Variants in KAZN observed in about 807,000 individuals in gnomAD.
KAZN encodes the protein kazrin.
In KAZN, 40 loss-of-function variants were observed where a neutral mutation model predicts 87.4. That is an observed-to-expected ratio of 0.46 (90% CI 0.36 to 0.60). The LOEUF is 0.60. Ranked by LOEUF, KAZN falls within the 20% of genes least tolerant of loss-of-function variation. The pLI, the probability that KAZN is intolerant of heterozygous loss-of-function variation, is 0.00. For synonymous variants in KAZN, 466 were observed against 458.3 expected (o/e 1.02, Z -0.22); for missense variants, 898 against 1,073.9 (o/e 0.84, Z 2.29).
intron 1 of KAZN, among the ~76,000 whole-genome samples, chr1:14,629,725 G>T (rs950372955): frequency 6.6e-6 from 1 of 152,144 alleles, no homozygotes; most frequent in African/African-American, 2.4e-5. Context: ...CAGTTGGGTC[G>T]CATGCCCACC....
chr1:15,103,566 C>T (rs1035967303), intron 12 of KAZN, 106 bp downstream of exon 12: 6 of 780,594 alleles, frequency 7.7e-6, no homozygotes, highest in Middle Eastern at 2.2e-4. Context: ...ATATGCAGAT[C>T]TCATGCAAAT....
rs1351417567 is a variant in KAZN, at chr1:15,021,284, A to G, written c.419-13465A>G. The stretch of plus-strand genomic sequence containing the variant: ...CACACACCCACACAAGCCTTTAAAA[A>G]TAGTCCTCGTTGTGTGGGGCATGGG... On this transcript the variant is annotated intron_variant, in intron 2 of 14. Coordinates refer to ENST00000376030, the MANE Select transcript of KAZN (RefSeq NM_201628.3). This position sits in a 1 kb window ranked among gnomAD's most constrained non-coding sequence, Gnocchi z 4.2. 2.0e-5 allele frequency among the ~76,000 whole-genome samples: 3 copies of G among 152,166 alleles called. No individual in the cohort carries two copies. The East Asian group carries it at 5.8e-4, about 29-fold the overall frequency.
intron 2 of KAZN, among the ~76,000 whole-genome samples, chr1:14,531,039 C>T (rs1672180948): frequency 6.6e-6 from 1 of 152,194 alleles, no homozygotes; most frequent in South Asian, 2.1e-4. Context: ...CACCACTGCA[C>T]TCAAGCCTGG....
At chr1:14,547,184 T>C (rs1490467786) in intron 2 of KAZN, among the ~76,000 whole-genome samples, 18 of 152,296 alleles carry the variant, frequency 1.2e-4, no homozygotes, top group Admixed American at 1.0e-3. Flanking sequence ...AAGAATAGAA[T>C]GACATTTTTT....
intron 1 of KAZN, among the ~76,000 whole-genome samples, chr1:14,812,080 C>G (rs1251847582): frequency 6.6e-6 from 1 of 152,086 alleles, no homozygotes. Context: ...GAAGGGACAC[C>G]GAGAGCTGTC....
intron 1 of KAZN, among the ~76,000 whole-genome samples, chr1:14,889,586 G>A (rs943540252): frequency 5.3e-5 from 8 of 152,046 alleles, no homozygotes; most frequent in African/African-American, 1.9e-4. Flanking sequence ...TCCCCCTTGG[G>A]GTACAGCTCT....
chr1:14,514,583 T>TAATATA (rs1345658172), intron 2 of KAZN, among the ~76,000 whole-genome samples: 1 of 62,820 alleles, frequency 1.6e-5, no homozygotes, highest in African/African-American at 5.7e-5. Flanking sequence ...ATTTTATATA[T>TAATATA]TTTTTTATAT....
intron 1 of KAZN, among the ~76,000 whole-genome samples, chr1:14,848,924 G>A (rs1314255128): frequency 6.6e-6 from 1 of 152,194 alleles, no homozygotes. Context: ...AGAGGCCCAA[G>A]TGCATGGAGC....
At chr1:14,299,912 C>T (rs1654416476) in intron 2 of KAZN, among the ~76,000 whole-genome samples, 1 of 152,166 alleles carries the variant, frequency 6.6e-6, no homozygotes, top group African/African-American at 2.4e-5. Context: ...TCACCTCTAT[C>T]ATGAGCATTA....
intron 1 of KAZN, among the ~76,000 whole-genome samples, chr1:14,172,697 C>T (rs1645980981): frequency 6.6e-6 from 1 of 152,254 alleles, no homozygotes; most frequent in Non-Finnish European, 1.5e-5. Flanking sequence ...GCTGTGGCCT[C>T]ATCTGGGATG....
intron 1 of KAZN, among the ~76,000 whole-genome samples, chr1:14,942,094 T>G (rs1407500793): frequency 6.6e-6 from 1 of 152,166 alleles, no homozygotes; most frequent in African/African-American, 2.4e-5. Context: ...TTTTATTTCT[T>G]CAATTGGTTT....
intron 2 of KAZN, among the ~76,000 whole-genome samples, chr1:14,447,869 C>G (rs577581719): frequency 1.3e-5 from 2 of 152,126 alleles, no homozygotes; most frequent in African/African-American, 2.4e-5. Flanking sequence ...AATAATGTGC[C>G]CAAGAGCTTC....
At chr1:14,913,369 T>C (rs1221978503) in intron 1 of KAZN, among the ~76,000 whole-genome samples, 1 of 152,228 alleles carries the variant, frequency 6.6e-6, no homozygotes, top group Non-Finnish European at 1.5e-5. Context: ...TGCTTGTTTG[T>C]TTTAATGAGA....
chr1:14,430,169 T>G (rs1665964821), intron 2 of KAZN, among the ~76,000 whole-genome samples: 1 of 146,848 alleles, frequency 6.8e-6, no homozygotes, highest in Admixed American at 6.9e-5. Flanking sequence ...CTTTCCTGTT[T>G]AACATTCTAA....
At chr1:14,011,500 T>C (rs1256168038) in intron 1 of KAZN, among the ~76,000 whole-genome samples, 2 of 152,212 alleles carry the variant, frequency 1.3e-5, no homozygotes, top group African/African-American at 4.8e-5. Context: ...GGTCCCATCG[T>C]GGAATACCCC....
chr1:14,166,843 G>A lies in KAZN; in HGVS notation c.92-13592G>A, dbSNP rs181914985. Among the ~76,000 whole-genome samples, 45 of 152,270 alleles carry A rather than the reference G, an allele frequency of 3.0e-4. No individual in the cohort carries two copies. The East Asian group carries it at 7.9e-3, about 27-fold the overall frequency. On this transcript the variant is annotated intron_variant, in intron 1 of 16. Transcript: ENST00000636203. ...CTTGGAACATAATCACTTTTCAAAT[G>A]TCATTAATTTAGATTTTTAAAAATT... is the stretch of plus-strand genomic sequence containing the variant.
rs139178620 is a variant in KAZN at position 15,021,942 on chromosome 1, G to A, written c.419-12807G>A. On this transcript the variant is annotated intron_variant, in intron 2 of 14. Transcript: ENST00000376030. The surrounding 1 kb of genome is among the most constrained non-coding windows in gnomAD (Gnocchi z 4.2). ...AGGCAAAAGACACTTCTTACATGGT[G>A]GCAGCAAGATAGAGCATGAGAGCCA... Among the ~76,000 whole-genome samples the A allele has an allele frequency of 6.6e-6, 1 of 152,094 alleles. No individual in the cohort carries two copies. The highest frequency in any genetic ancestry group is 1.9e-4 in the East Asian group (1 of 5,130).
At position 14,223,483 on chromosome 1, in the gene KAZN, G is replaced by T. The variant is rs141533284; in HGVS notation, c.249+42891G>T. Among the ~76,000 whole-genome samples, 259 of 152,172 alleles carry T rather than the reference G, an allele frequency of 1.7e-3. 6 individuals carry two copies. In the East Asian group the frequency reaches 0.04, roughly 24 times the overall value. ...ACCCCACTTTGTGCCATTTTATACT[G>T]GCTCACCCATAATGTACATTTCCTG... On this transcript the variant is annotated intron_variant, in intron 2 of 16. Coordinates refer to the KAZN transcript ENST00000636203.
intron 1 of KAZN, among the ~76,000 whole-genome samples, chr1:14,142,291 T>C (rs1226102376): frequency 6.6e-6 from 1 of 152,294 alleles, no homozygotes; most frequent in African/African-American, 2.4e-5. Flanking sequence ...TCCTGGTGCA[T>C]GCACAATTAG....
Sources: gnomAD v4.1 joint callset for allele counts (sites outside exome capture counted in the v4.1 genomes callset) on GRCh38, gnomAD v4.1.1 for gene constraint, Gnocchi (gnomAD v3.1) non-coding constraint, MANE v1.5 for transcripts, NCBI Gene and HGNC (gene_info 2026-07-23, HGNC 2026-07-21) for gene names.